Variants in CHD7 observed in about 807,000 individuals in gnomAD.
CHD7 encodes the protein ATP-dependent chromatin remodeler CHD7.
In CHD7, 24 loss-of-function variants were observed where a neutral mutation model predicts 307.3. The ratio of observed to expected loss-of-function variants is 0.08; its 90% CI spans 0.06 to 0.11. CHD7 has a LOEUF of 0.11. Among genes scored for constraint, CHD7 ranks in the 10% least tolerant of loss-of-function variants. The pLI is 1.00. For missense variants in CHD7, 3,106 were observed against 3,727.1 expected, an observed-to-expected ratio of 0.83 and a Z score of 4.34; for synonymous variants, 1,363 against 1,349.9, an observed-to-expected ratio of 1.01 and a Z score of -0.21.
At chr8:60,738,933 G>C (rs75179708) in intron 1 of CHD7, among the ~76,000 whole-genome samples, 3,590 of 152,232 alleles carry the variant, frequency 0.024, 147 homozygotes, top group African/African-American at 0.082. Flanking sequence ...GATCAGTATG[G>C]GTACTCTCAG....
At chr8:60,850,961 T>TGC in intron 26 of CHD7, 71 bp from the exon 27 acceptor site, 1 of 1,102,570 alleles carries the variant, frequency 9.1e-7, no homozygotes, top group African/African-American at 1.6e-5. Flanking sequence ...TATTACTCTT[T>TGC]CCTACCCACC....
At chr8:60,683,848 A>G (rs1805749779) in intron 1 of CHD7, among the ~76,000 whole-genome samples, 2 of 151,992 alleles carry the variant, frequency 1.3e-5, no homozygotes, top group Non-Finnish European at 2.9e-5. Context: ...CCTACAGCAT[A>G]GGACAACATA....
intron 1 of CHD7, among the ~76,000 whole-genome samples, chr8:60,694,309 A>T (rs16926399): frequency 6.6e-6 from 1 of 152,168 alleles, no homozygotes; most frequent in Non-Finnish European, 1.5e-5. Context: ...ATGTTTGTGA[A>T]GGTGTGCAGA....
At chr8:60,779,674 T>C (rs905748753) in intron 2 of CHD7, among the ~76,000 whole-genome samples, 28 of 152,312 alleles carry the variant, frequency 1.8e-4, no homozygotes, top group Admixed American at 3.9e-4. Flanking sequence ...CCTTTTCTCG[T>C]AGTAAGCCTT....
chr8:60,846,757 A>G (rs1805226109), intron 23 of CHD7, among the ~76,000 whole-genome samples: 1 of 152,260 alleles, frequency 6.6e-6, no homozygotes, highest in South Asian at 2.1e-4. Context: ...TAAGATTAGT[A>G]TGATTTTTAT....
intron 9 of CHD7, among the ~76,000 whole-genome samples, chr8:60,820,556 C>G (rs1039653230): frequency 1.3e-5 from 2 of 152,106 alleles, no homozygotes; most frequent in African/African-American, 4.8e-5. Context: ...ATCCTAGTCT[C>G]AACACTCTTA....
chr8:60,733,180 G>C (rs1032388000), intron 1 of CHD7, among the ~76,000 whole-genome samples: 5 of 151,646 alleles, frequency 3.3e-5, no homozygotes, highest in Admixed American at 3.3e-4. Flanking sequence ...AGACTGCAGT[G>C]AGCTATGATT....
intron 7 of CHD7, chr8:60,808,660 G>A (rs987166557): frequency 5.9e-6 from 1 of 170,586 alleles, no homozygotes; most frequent in South Asian, 1.5e-4. Context: ...ACTCTCCTGT[G>A]GAATGAAAGC....
chr8:60,721,661 A>G (rs762513382), intron 1 of CHD7, among the ~76,000 whole-genome samples: 7 of 152,196 alleles, frequency 4.6e-5, no homozygotes, highest in Non-Finnish European at 7.3e-5. Context: ...GAGAAGTCAC[A>G]TTTCTAACCA....
At chr8:60,824,140 A>G in intron 13 of CHD7, 124 bp downstream of exon 13, 2 of 839,968 alleles carry the variant, frequency 2.4e-6, no homozygotes, top group Non-Finnish European at 3.7e-6. Flanking sequence ...ATTGTGATAT[A>G]TTCTCTGGCA....
intron 1 of CHD7, among the ~76,000 whole-genome samples, chr8:60,698,139 A>G (rs1303565544): frequency 1.3e-5 from 2 of 152,268 alleles, no homozygotes; most frequent in Admixed American, 6.5e-5. Flanking sequence ...GTATTTGAGT[A>G]TACATTCTAA....
At chr8:60,808,387 C>G (rs1812637062) in intron 7 of CHD7, 115 bp downstream of exon 7, 8 of 710,378 alleles carry the variant, frequency 1.1e-5, no homozygotes, top group Non-Finnish European at 1.7e-5. Flanking sequence ...CTTTAGTCAT[C>G]ATGGCCTGGG....
chr8:60,709,156 T>C (rs761182180), intron 1 of CHD7, among the ~76,000 whole-genome samples: 4 of 152,246 alleles, frequency 2.6e-5, no homozygotes, highest in Non-Finnish European at 5.9e-5. Flanking sequence ...AGTATTTTCC[T>C]ATTAAAGGGT....
Position 60,741,466 on chromosome 8 carries a change from G to A in CHD7, c.34G>A (p.Glu12Lys), listed in dbSNP as rs769949098. The A allele has an allele frequency of 3.1e-6, 5 of 1,610,366 alleles. No individual in the cohort carries two copies. The highest frequency in any genetic ancestry group is 4.2e-6 in the Non-Finnish European group (5 of 1,178,110). The change falls in exon 2 of 38, where the codon GAG becomes AAG. Residue 12 changes from glutamate (E) to lysine (K), a missense_variant. Physicochemically the swap from Glu to Lys is moderately conservative, Grantham distance 56. This residue lies in a region of CHD7 where 998 missense variants were observed against 1,004.5 expected (regional missense o/e 0.99). Transcript: ENST00000423902. ...TCCAGGAATGATGAGTCTTTTTGGC[G>A]AGGATGGGAATATTTTCAGTGAAGG... ...ADPGMMSLFG[E>K]DGNIFSEGLE...
intron 13 of CHD7, among the ~76,000 whole-genome samples, chr8:60,828,284 T>C (rs1445376024): frequency 1.3e-5 from 2 of 152,164 alleles, no homozygotes; most frequent in Admixed American, 1.3e-4. Context: ...ACTGTTGATG[T>C]AGAGAGCAGA....
intron 2 of CHD7, among the ~76,000 whole-genome samples, chr8:60,759,547 CCTT>C (rs1810072565): frequency 6.6e-6 from 1 of 151,452 alleles, no homozygotes; most frequent in Admixed American, 6.6e-5. Context: ...CTCACTCTCA[CCTT>C]CTGGTGAGAG....
At chr8:60,725,806 C>T (rs1282946927) in intron 1 of CHD7, among the ~76,000 whole-genome samples, 1 of 152,182 alleles carries the variant, frequency 6.6e-6, no homozygotes, top group African/African-American at 2.4e-5. Flanking sequence ...CTTCAGCTGA[C>T]TCGCTTGTTT....
At chr8:60,753,413 A>G (rs1809734280) in intron 2 of CHD7, among the ~76,000 whole-genome samples, 1 of 152,168 alleles carries the variant, frequency 6.6e-6, no homozygotes, top group Non-Finnish European at 1.5e-5. Flanking sequence ...ATTCAGTCTA[A>G]TTTTGGAAAA....
At chr8:60,817,319 A>C (rs768427014) in intron 8 of CHD7, among the ~76,000 whole-genome samples, 2 of 152,246 alleles carry the variant, frequency 1.3e-5, no homozygotes, top group Non-Finnish European at 2.9e-5. Flanking sequence ...AATTTGATGC[A>C]AAATAGTATC....
Sources: allele counts gnomAD v4.1 joint callset (sites outside exome capture counted in the v4.1 genomes callset), GRCh38; gene constraint gnomAD v4.1.1; regional missense constraint gnomAD v4.1.1; transcripts MANE v1.5; gene names NCBI Gene and HGNC (gene_info 2026-07-23, HGNC 2026-07-21).